PEX5L: variants seen among roughly 807,000 people sequenced by gnomAD.
The protein encoded by PEX5L is PEX5-related protein.
In PEX5L, 30 loss-of-function variants were observed where a neutral mutation model predicts 84.0. The ratio of observed to expected loss-of-function variants is 0.36; its 90% CI spans 0.27 to 0.48. PEX5L has a LOEUF of 0.48. PEX5L is among the 20% of genes least tolerant of loss of function. PEX5L has a pLI of 0.99. For missense variants in PEX5L, 533 were observed against 754.6 expected, an observed-to-expected ratio of 0.71 and a Z score of 3.44; for synonymous variants, 270 against 283.1, an observed-to-expected ratio of 0.95 and a Z score of 0.46.
Position 180,026,830 on chromosome 3 carries a change from T to C in PEX5L, c.21+9749A>G, listed in dbSNP as rs561132376. ...GTCTATTTTACATTCAAGCAATATCTGAACATGTTACGGTGGACATTCACT... is the reference window on the plus strand; with the variant it reads ...GTCTATTTTACATTCAAGCAATATCCGAACATGTTACGGTGGACATTCACT... On this transcript the variant is annotated intron_variant, in intron 1 of 14. Coordinates refer to ENST00000467460, the MANE Select transcript of PEX5L (RefSeq NM_016559.3). Among the ~76,000 whole-genome samples the C allele has an allele frequency of 2.6e-5, 4 of 152,276 alleles. No individual in the cohort carries two copies. In the South Asian group the frequency reaches 8.3e-4, roughly 32 times the overall value.
At chr3:179,846,169 C>CA (rs796700962) in intron 8 of PEX5L, among the ~76,000 whole-genome samples, 18 of 150,586 alleles carry the variant, frequency 1.2e-4, no homozygotes, top group African/African-American at 4.4e-4. Context: ...GACTCTGTCT[C>CA]AAAAAAACAA....
intron 2 of PEX5L, among the ~76,000 whole-genome samples, chr3:179,943,738 G>C (rs1776774452): frequency 6.6e-6 from 1 of 152,184 alleles, no homozygotes; most frequent in Non-Finnish European, 1.5e-5. Flanking sequence ...AGAAAAACAA[G>C]GCTTGAATTC....
chr3:179,845,497 C>T (rs1738972582), intron 8 of PEX5L, among the ~76,000 whole-genome samples: 1 of 152,054 alleles, frequency 6.6e-6, no homozygotes, highest in African/African-American at 2.4e-5. Flanking sequence ...TGGATATTTC[C>T]AAGAATATCA....
intron 2 of PEX5L, among the ~76,000 whole-genome samples, chr3:179,933,163 C>A (rs1387309677): frequency 6.6e-6 from 1 of 152,214 alleles, no homozygotes; most frequent in African/African-American, 2.4e-5. Context: ...TGACCCCTGA[C>A]TTTGATCCAC....
rs545314092 is a variant in PEX5L at position 179,860,687 on chromosome 3, C to T, written c.727-1530G>A. On this transcript the variant is annotated intron_variant, in intron 7 of 14. Transcript: ENST00000467460. ...GGGACCCCCCTCTTCTATTGTGACA[C>T]GATAGTACTACCAGACACCGCTCTA... 1.4e-4 allele frequency among the ~76,000 whole-genome samples: 22 copies of T among 152,280 alleles called. 1 individual carries two copies. The highest frequency in any genetic ancestry group is 4.6e-4 in the Admixed American group (7 of 15,300).
chr3:179,900,936 T>C (rs1194744287), intron 2 of PEX5L, among the ~76,000 whole-genome samples: 1 of 152,194 alleles, frequency 6.6e-6, no homozygotes, highest in Admixed American at 6.5e-5. Flanking sequence ...CCAAATCAAG[T>C]GAATACACTC....
intron 14 of PEX5L, among the ~76,000 whole-genome samples, 181 bp from the exon 15 acceptor site, chr3:179,802,213 T>C (rs1719136569): frequency 1.3e-5 from 2 of 152,128 alleles, no homozygotes; most frequent in Non-Finnish European, 2.9e-5. Flanking sequence ...TGAGCAATCA[T>C]TGTTAAATAC....
In PEX5L at chr3:180,019,104, A is replaced by G. The variant is rs73059355; in HGVS notation, c.21+17475T>C. On this transcript the variant is annotated intron_variant, in intron 1 of 14. Coordinates refer to ENST00000467460, the MANE Select transcript of PEX5L (RefSeq NM_016559.3). Reference sequence around the variant, plus strand: ...GTGGAACGTGTGAAGGAAGTGTGCCAAACAATCTTCTCCATTGCTCAGTAG... The same window carrying G: ...GTGGAACGTGTGAAGGAAGTGTGCCGAACAATCTTCTCCATTGCTCAGTAG... Among the ~76,000 whole-genome samples, 643 of 152,258 alleles carry G rather than the reference A, an allele frequency of 4.2e-3. 6 individuals are homozygous for G. Among genetic ancestry groups the G allele is most frequent in the African/African-American group, 0.014 (599 of 41,558 alleles).
intron 2 of PEX5L, among the ~76,000 whole-genome samples, chr3:179,939,849 T>C (rs777836942): frequency 1.3e-5 from 2 of 152,130 alleles, no homozygotes; most frequent in Non-Finnish European, 2.9e-5. Context: ...TCATGCAAAG[T>C]TGGAAGACAT....
At chr3:180,012,333 G>A (rs1035793465) in intron 1 of PEX5L, among the ~76,000 whole-genome samples, 1 of 152,150 alleles carries the variant, frequency 6.6e-6, no homozygotes, top group Non-Finnish European at 1.5e-5. Context: ...GTTATTTGAA[G>A]ACTAGCATAA....
intron 2 of PEX5L, among the ~76,000 whole-genome samples, chr3:179,954,730 C>CT (rs1294095281): frequency 6.6e-5 from 10 of 152,176 alleles, no homozygotes; most frequent in Non-Finnish European, 1.0e-4. Context: ...ATGTTTGCTG[C>CT]TTGACTAGCT....
intron 1 of PEX5L, among the ~76,000 whole-genome samples, chr3:180,023,746 A>G (rs1261740600): frequency 6.7e-6 from 1 of 149,976 alleles, no homozygotes; most frequent in Non-Finnish European, 1.5e-5. Context: ...TTCACCACTC[A>G]TCTACACACA....
chr3:179,797,878 A>C lies in PEX5L; in HGVS notation c.*3950T>G, dbSNP rs2108613246. The C allele has an allele frequency of 6.6e-6, 1 of 152,200 alleles. No homozygotes were observed. Among genetic ancestry groups the C allele is most frequent in the South Asian group, 2.1e-4 (1 of 4,826 alleles). 9.4% of individuals were successfully genotyped at this position (152,200 alleles called of 1,614,324 possible). ...AAGTATCTCAAGATATAAAACAACA[A>C]CCACCACTGCTACAACAACTAGCTT... On this transcript the variant is annotated 3_prime_UTR_variant, in exon 15 of 15. Transcript: ENST00000467460.
intron 1 of PEX5L, among the ~76,000 whole-genome samples, chr3:180,008,227 AG>A (rs1311147273): frequency 6.6e-6 from 1 of 152,212 alleles, no homozygotes; most frequent in Non-Finnish European, 1.5e-5. Context: ...TCTCTAGGGC[AG>A]GGGCAAATGC....
intron 1 of PEX5L, among the ~76,000 whole-genome samples, chr3:180,014,537 T>C (rs1579350261): frequency 6.6e-6 from 1 of 151,644 alleles, no homozygotes; most frequent in Admixed American, 6.6e-5. Context: ...TTACTTTCAT[T>C]AAAACTTAAA....
At chr3:179,908,376 A>G (rs1192040150) in intron 2 of PEX5L, among the ~76,000 whole-genome samples, 1 of 152,210 alleles carries the variant, frequency 6.6e-6, no homozygotes, top group Non-Finnish European at 1.5e-5. Context: ...GCATGTTGGC[A>G]CCAACACCCA....
chr3:179,833,262 A>G (rs1346701219), intron 8 of PEX5L, among the ~76,000 whole-genome samples: 2 of 152,244 alleles, frequency 1.3e-5, no homozygotes, highest in Admixed American at 1.3e-4. Context: ...TACTTCTTAC[A>G]AAGAGCAACA....
At position 179,847,081 on chromosome 3, in the gene PEX5L, G is replaced by GTATATATA. The variant is rs80254022; in HGVS notation, c.822+11973_822+11980dup. ...TCCATGTGTGTGTGTGTGTGTGTGT[G>GTATATATA]TATATATATATATATATATGTATAT... On this transcript the variant is annotated intron_variant, in intron 8 of 14. Transcript: ENST00000467460. 5.2e-3 allele frequency among the ~76,000 whole-genome samples: 548 copies of GTATATATA among 105,574 alleles called. 2 individuals carry two copies. The highest frequency in any genetic ancestry group is 0.013 in the African/African-American group (417 of 33,008). 69.3% of individuals were successfully genotyped at this position (105,574 alleles called of 152,430 possible).
At chr3:179,994,594 T>C (rs1787686255) in intron 1 of PEX5L, among the ~76,000 whole-genome samples, 1 of 152,160 alleles carries the variant, frequency 6.6e-6, no homozygotes, top group Non-Finnish European at 1.5e-5. Context: ...ATCCACTGGC[T>C]GGAAAAACCA....
Sources: gnomAD v4.1 joint callset for allele counts (sites outside exome capture counted in the v4.1 genomes callset) on GRCh38, gnomAD v4.1.1 for gene constraint, MANE v1.5 for transcripts, NCBI Gene and HGNC (gene_info 2026-07-23, HGNC 2026-07-21) for gene names.